RUNX1T1: variants seen among roughly 807,000 people sequenced by gnomAD.
The protein encoded by RUNX1T1 is RUNX1 partner transcriptional co-repressor 1, also known as protein CBFA2T1.
Under a neutral mutation model 62.8 loss-of-function variants are expected in RUNX1T1, and 4 were observed. The observed-to-expected ratio is 0.06, with a 90% CI of 0.03 to 0.15. The LOEUF is 0.15. Among genes scored for constraint, RUNX1T1 ranks in the 10% least tolerant of loss-of-function variants. RUNX1T1 has a pLI of 1.00. For synonymous variants in RUNX1T1, 291 were observed against 286.0 expected (o/e 1.02, Z -0.18); for missense variants, 508 against 754.3 (o/e 0.67, Z 3.82).
At chr8:92,013,948 A>C (rs1030372562) in intron 3 of RUNX1T1, among the ~76,000 whole-genome samples, 1 of 152,180 alleles carries the variant, frequency 6.6e-6, no homozygotes, top group Non-Finnish European at 1.5e-5. Flanking sequence ...GGAGATGGAC[A>C]GTGGTGGTGG....
At chr8:92,043,488 A>G (rs1302671086) in intron 1 of RUNX1T1, among the ~76,000 whole-genome samples, 1 of 151,990 alleles carries the variant, frequency 6.6e-6, no homozygotes, top group Non-Finnish European at 1.5e-5. Flanking sequence ...TTATCATTTC[A>G]TAAAATTTAA....
At chr8:91,979,034 A>G (rs1169614991) in intron 8 of RUNX1T1, among the ~76,000 whole-genome samples, 1 of 152,170 alleles carries the variant, frequency 6.6e-6, no homozygotes, top group Admixed American at 6.5e-5. Flanking sequence ...AATTATATAA[A>G]CGTGTTTTAC....
chr8:91,982,183 G>A (rs1310122460), intron 8 of RUNX1T1, among the ~76,000 whole-genome samples: 1 of 148,770 alleles, frequency 6.7e-6, no homozygotes, highest in Non-Finnish European at 1.5e-5. Context: ...GCTGCAGTGA[G>A]CCGAGATTAT....
intron 1 of RUNX1T1, among the ~76,000 whole-genome samples, chr8:92,034,847 C>T (rs1827105318): frequency 8.2e-6 from 1 of 122,246 alleles, no homozygotes; most frequent in African/African-American, 3.5e-5. Context: ...CCATGGAATA[C>T]CACCCAGCCA....
intron 9 of RUNX1T1, among the ~76,000 whole-genome samples, chr8:91,974,386 A>G (rs1359160515): frequency 6.6e-6 from 1 of 152,166 alleles, no homozygotes; most frequent in Non-Finnish European, 1.5e-5. Context: ...TAGCACAAAA[A>G]GAATTCGGAT....
intron 5 of RUNX1T1, among the ~76,000 whole-genome samples, chr8:92,000,553 T>C (rs1047382996): frequency 2.6e-5 from 4 of 152,196 alleles, no homozygotes; most frequent in Non-Finnish European, 4.4e-5. Flanking sequence ...GTAAAGTGTA[T>C]CTATTTTTTC....
intron 1 of RUNX1T1, among the ~76,000 whole-genome samples, chr8:92,060,331 A>T (rs962228085): frequency 1.3e-5 from 2 of 151,622 alleles, no homozygotes; most frequent in African/African-American, 2.4e-5. Flanking sequence ...TAAAACCAAA[A>T]TAGTTCTAGA....
chr8:92,060,549 ATATATGTG>A (rs1388934295), intron 1 of RUNX1T1, among the ~76,000 whole-genome samples: 24 of 107,040 alleles, frequency 2.2e-4, no homozygotes, highest in African/African-American at 6.4e-4. Context: ...ATATATATAT[ATATATGTG>A]TGTGTGTGTG....
chr8:92,031,601 TG>T (rs1382397199), intron 1 of RUNX1T1, among the ~76,000 whole-genome samples: 1 of 152,138 alleles, frequency 6.6e-6, no homozygotes, highest in Non-Finnish European at 1.5e-5. Context: ...CTGGAGTAGC[TG>T]GGACTACAGG....
intron 1 of RUNX1T1, among the ~76,000 whole-genome samples, chr8:92,084,656 T>G (rs903297121): frequency 1.3e-5 from 2 of 152,124 alleles, no homozygotes; most frequent in Non-Finnish European, 2.9e-5. Flanking sequence ...GATAGCAGAG[T>G]TGGATGTAAT....
chr8:92,006,352 C>T (rs1820774990), intron 4 of RUNX1T1: 1 of 152,140 alleles, frequency 6.6e-6, no homozygotes. Context: ...CCCAATCACA[C>T]TTAATTCCAG....
At chr8:92,036,193 C>T (rs1387101111) in intron 1 of RUNX1T1, among the ~76,000 whole-genome samples, 3 of 152,124 alleles carry the variant, frequency 2.0e-5, no homozygotes, top group African/African-American at 7.2e-5. Context: ...TGATGGACAA[C>T]TGCAAAGAGC....
At chr8:91,979,000 A>T (rs150900293) in intron 8 of RUNX1T1, among the ~76,000 whole-genome samples, 190 of 152,338 alleles carry the variant, frequency 1.2e-3, no homozygotes, top group African/African-American at 4.2e-3. Context: ...CAGTTTTTCA[A>T]AATAGCAGAA....
chr8:92,013,516 A>G (rs1038344495), intron 3 of RUNX1T1, among the ~76,000 whole-genome samples: 1 of 152,214 alleles, frequency 6.6e-6, no homozygotes, highest in African/African-American at 2.4e-5. Context: ...AGGTCCATAT[A>G]ATAAAAATAA....
At chr8:92,050,000 G>A (rs2130354843) in intron 1 of RUNX1T1, among the ~76,000 whole-genome samples, 1 of 152,142 alleles carries the variant, frequency 6.6e-6, no homozygotes, top group South Asian at 2.1e-4. Context: ...TTAAAATTCT[G>A]CATTGTAACC....
exon 11 of RUNX1T1, chr8:91,959,705 A>G (rs1361887769): frequency 4.4e-6 from 1 of 228,612 alleles, no homozygotes; most frequent in Non-Finnish European, 8.7e-6. Flanking sequence ...GGGTCTTCAA[A>G]GTTCAGTTAG....
At chr8:92,023,307 T>A (rs1824479454) in intron 1 of RUNX1T1, among the ~76,000 whole-genome samples, 1 of 152,196 alleles carries the variant, frequency 6.6e-6, no homozygotes, top group Admixed American at 6.5e-5. Context: ...CAAATACTAA[T>A]ATTCTCTGGT....
intron 2 of RUNX1T1, among the ~76,000 whole-genome samples, chr8:92,074,572 A>G (rs1355532346): frequency 1.3e-5 from 2 of 152,228 alleles, no homozygotes; most frequent in Admixed American, 1.3e-4. Context: ...AGATGACAAG[A>G]AAACAATTCT....
chr8:91,999,428 A>G (rs1011791927), intron 5 of RUNX1T1, among the ~76,000 whole-genome samples: 3 of 152,178 alleles, frequency 2.0e-5, no homozygotes, highest in Non-Finnish European at 2.9e-5. Context: ...CTATGGAGAG[A>G]ACTATAGGAA....
Sources: gnomAD v4.1 joint callset for allele counts (sites outside exome capture counted in the v4.1 genomes callset) on GRCh38, gnomAD v4.1.1 for gene constraint, MANE v1.5 for transcripts, NCBI Gene and HGNC (gene_info 2026-07-23, HGNC 2026-07-21) for gene names.